Variants in FOXK2 observed in about 807,000 individuals in gnomAD.
FOXK2 encodes the protein forkhead box K2.
In FOXK2, 24 loss-of-function variants were observed where a neutral mutation model predicts 53.3. That is an observed-to-expected ratio of 0.45 (90% confidence interval 0.33 to 0.63). The LOEUF (loss-of-function observed/expected upper bound fraction) is 0.63, where lower values mean the gene tolerates loss of function less well. Among genes scored for constraint, FOXK2 ranks in the 30% least tolerant of loss-of-function variants. FOXK2 has a pLI of 0.03. For missense variants in FOXK2, 952 were observed against 910.5 expected (o/e 1.05, Z -0.59); for synonymous variants, 505 against 407.1 (o/e 1.24, Z -2.89).
chr17:82,526,761 T>C (rs2044422300), intron 1 of FOXK2, among the ~76,000 whole-genome samples: 1 of 150,264 alleles, frequency 6.7e-6, no homozygotes, highest in African/African-American at 2.4e-5. Flanking sequence ...ACCCAGGAGA[T>C]TGGAGCTTGC....
chr17:82,564,140 T>C (rs796923866), intron 2 of FOXK2, among the ~76,000 whole-genome samples: 254 of 144,426 alleles, frequency 1.8e-3, no homozygotes, highest in African/African-American at 6.3e-3. Context: ...CAGGCTGGAG[T>C]GCAGTGGTGT....
At position 82,601,716 on chromosome 17, in the gene FOXK2, C is replaced by T. The variant is rs528464541; in HGVS notation, c.*217C>T. The T allele has an allele frequency of 1.3e-4, 65 of 497,576 alleles. No individual in the cohort carries two copies. Among genetic ancestry groups the T allele is most frequent in the Middle Eastern group, 5.4e-4 (1 of 1,856 alleles). 30.8% of individuals were successfully genotyped at this position (497,576 alleles called of 1,614,324 possible). ...AAACCTGATTTGGGAGACGGTGTCT[C>T]CACTGAGCACCTGCTGGGCTGAGCT... On this transcript the variant is annotated 3_prime_UTR_variant, in exon 9 of 9. Transcript: ENST00000335255.
Position 82,568,167 on chromosome 17 carries a change from A to C in FOXK2, c.728A>C (p.Asn243Thr). The C allele has an allele frequency of 6.2e-7, 1 of 1,613,450 alleles. No homozygotes were observed. The change falls in exon 3 of 9, where the codon AAT becomes ACT. Residue 243 changes from asparagine (N) to threonine (T), a missense_variant. Around this residue, in one of 5 missense-constraint regions of FOXK2, gnomAD observed 160 missense variants for 214.2 expected, o/e 0.75. Coordinates refer to ENST00000335255, the MANE Select transcript of FOXK2 (RefSeq NM_004514.4). ...NLMADNSQPE[N>T]EKEASGGDSP... ...ATGGCTGACAACTCACAGCCTGAAA[A>C]TGAAAAGGAAGCTTCAGGTGGAGAC...
chr17:82,590,478 T>C lies in FOXK2; in HGVS notation c.1786+3206T>C, dbSNP rs553161870. ...CCAGCACGTCTTTTCATGTACTTTATGGTTATTTGTGTATCTTCTTTGAAG... is the reference window on the plus strand; with the variant it reads ...CCAGCACGTCTTTTCATGTACTTTACGGTTATTTGTGTATCTTCTTTGAAG... On this transcript the variant is annotated intron_variant, in intron 8 of 8. Coordinates refer to ENST00000335255, the MANE Select transcript of FOXK2 (RefSeq NM_004514.4). 2.6e-5 allele frequency among the ~76,000 whole-genome samples: 4 copies of C among 152,304 alleles called. No individual in the cohort carries two copies. The South Asian group carries it at 6.2e-4, about 24-fold the overall frequency.
In FOXK2 at chr17:82,520,079, C is replaced by T. The variant is rs762539952; in HGVS notation, c.191C>T (p.Ser64Leu). The stretch of plus-strand genomic sequence containing the variant: ...ATCGGCCGCAACTCGTCGCAGGGCT[C>T]GGTGGACGTGAGCATGGGCCACTCG... ...VTIGRNSSQGSVDVSMGHSSF... is the reference protein window; with the variant it reads ...VTIGRNSSQGLVDVSMGHSSF... The change falls in exon 1 of 9, where the codon TCG becomes TTG. Residue 64 changes from serine to leucine, a missense_variant. Around this residue, in one of 5 missense-constraint regions of FOXK2, gnomAD observed 163 missense variants for 165.5 expected, o/e 0.98. Coordinates refer to ENST00000335255, the MANE Select transcript of FOXK2 (RefSeq NM_004514.4). The T allele has an allele frequency of 1.9e-6, 3 of 1,545,212 alleles. No individual in the cohort carries two copies. The highest frequency in any genetic ancestry group is 1.7e-6 in the Non-Finnish European group (2 of 1,147,894).
At chr17:82,585,215 G>A (rs1403477893) in intron 6 of FOXK2, 1 of 152,240 alleles carries the variant, frequency 6.6e-6, no homozygotes, top group African/African-American at 2.4e-5. Flanking sequence ...GCCCCACTCT[G>A]TTTTTGAACT....
At position 82,601,214 on chromosome 17, in the gene FOXK2, C is replaced by T. The variant is rs377109704; in HGVS notation, c.1787-89C>T. ...TTCACATGAGAGCGTGGGGTTCTGA[C>T]TCGCGAGGGTTCACGTGAGAGCGTG... On this transcript the variant is annotated intron_variant, in intron 8 of 8. Coordinates refer to ENST00000335255, the MANE Select transcript of FOXK2 (RefSeq NM_004514.4). 29 of 1,374,272 alleles carry T rather than the reference C, an allele frequency of 2.1e-5. 1 individual carries two copies. In the East Asian group the frequency reaches 5.1e-4, roughly 24 times the overall value. 85.1% of individuals were successfully genotyped at this position (1,374,272 alleles called of 1,614,324 possible).
chr17:82,595,806 C>T (rs1025870685), intron 8 of FOXK2: 4 of 1,289,574 alleles, frequency 3.1e-6, no homozygotes, highest in African/African-American at 1.5e-5. Context: ...AGAAGGCCCC[C>T]ATGTGCCAGC....
intron 8 of FOXK2, among the ~76,000 whole-genome samples, chr17:82,594,991 G>C (rs1436515477): frequency 3.3e-5 from 5 of 152,194 alleles, no homozygotes. Flanking sequence ...AGTGAACCGT[G>C]ATCGCCCCAC....
In FOXK2 at chr17:82,603,988, C is replaced by G. The variant is rs2045418448; in HGVS notation, c.*2489C>G. ...GAACTTAGCTCTGAATCCCCAAGAA[C>G]TTGAGCACAGCAAGGGTTGCTGAGC... On this transcript the variant is annotated 3_prime_UTR_variant, in exon 9 of 9. Coordinates refer to ENST00000335255, the MANE Select transcript of FOXK2 (RefSeq NM_004514.4). The G allele has an allele frequency of 6.6e-6, 1 of 152,224 alleles. No homozygotes were observed. Among genetic ancestry groups the G allele is most frequent in the African/African-American group, 2.4e-5 (1 of 41,448 alleles). The allele number at this position is 152,224 out of a possible 1,614,324, so 9.4% of individuals were successfully genotyped here.
At chr17:82,561,529 G>A (rs150426492) in intron 1 of FOXK2, among the ~76,000 whole-genome samples, 2 of 152,268 alleles carry the variant, frequency 1.3e-5, no homozygotes, top group Non-Finnish European at 2.9e-5. Flanking sequence ...GGGAACCAGA[G>A]TCTGGTGTCC....
Position 82,603,830 on chromosome 17 carries a change from C to T in FOXK2, c.*2331C>T, listed in dbSNP as rs2045416551. Reference sequence around the variant, plus strand: ...CGCTCCTGTCTCCTCCTCACTCTGCCACGTTCACTTGGCTTTTTCATTGGT... The same window carrying T: ...CGCTCCTGTCTCCTCCTCACTCTGCTACGTTCACTTGGCTTTTTCATTGGT... On this transcript the variant is annotated 3_prime_UTR_variant, in exon 9 of 9. Coordinates refer to ENST00000335255, the MANE Select transcript of FOXK2 (RefSeq NM_004514.4). 1.3e-5 allele frequency: 2 copies of T among 152,024 alleles called. No homozygotes were observed. The highest frequency in any genetic ancestry group is 4.8e-5 in the African/African-American group (2 of 41,388). 9.4% of individuals were successfully genotyped at this position (152,024 alleles called of 1,614,324 possible). A position where few individuals can be genotyped will look rare whatever the true frequency, so the allele number is the denominator to read the frequency against.
chr17:82,537,634 A>AG, intron 1 of FOXK2, among the ~76,000 whole-genome samples: 1 of 150,538 alleles, frequency 6.6e-6, no homozygotes, highest in African/African-American at 2.4e-5. Context: ...AAAAAAAAAA[A>AG]AAAAAAAAGG....
chr17:82,588,876 C>G (rs1038683804), intron 8 of FOXK2, among the ~76,000 whole-genome samples: 2 of 135,054 alleles, frequency 1.5e-5, no homozygotes, highest in Non-Finnish European at 1.6e-5. Context: ...TGGTGAAACA[C>G]CATTTCTACT....
chr17:82,545,556 C>CT (rs895056549), intron 1 of FOXK2, among the ~76,000 whole-genome samples: 8 of 146,750 alleles, frequency 5.5e-5, no homozygotes, highest in East Asian at 2.0e-4. Context: ...TTCTTATAGT[C>CT]TTTTTTTTGT....
intron 1 of FOXK2, among the ~76,000 whole-genome samples, chr17:82,555,885 C>CAAAAAAAAAAAAAAAAAAA (rs71168116): frequency 1.3e-5 from 1 of 74,216 alleles, no homozygotes; most frequent in Admixed American, 1.8e-4. Flanking sequence ...GACTCTATCA[C>CAAAAAAAAAAAAAAAAAAA]AAAAAAAAAA....
intron 1 of FOXK2, among the ~76,000 whole-genome samples, chr17:82,555,885 C>CAAAAAAAAAAAAAAAAA (rs71168116): frequency 1.3e-5 from 1 of 74,216 alleles, no homozygotes. Flanking sequence ...GACTCTATCA[C>CAAAAAAAAAAAAAAAAA]AAAAAAAAAA....
intron 1 of FOXK2, among the ~76,000 whole-genome samples, chr17:82,525,478 C>T (rs932162201): frequency 2.6e-5 from 4 of 152,188 alleles, no homozygotes; most frequent in African/African-American, 7.2e-5. Context: ...TGCGCCCGGT[C>T]GAGGACAAGG....
At chr17:82,544,835 G>A (rs2044608205) in intron 1 of FOXK2, among the ~76,000 whole-genome samples, 2 of 152,098 alleles carry the variant, frequency 1.3e-5, no homozygotes, top group South Asian at 4.2e-4. Flanking sequence ...CTTCCGTCCA[G>A]CTCTGTGTCT....
Sources: gnomAD v4.1 joint callset for allele counts (sites outside exome capture counted in the v4.1 genomes callset) on GRCh38, gnomAD v4.1.1 for gene constraint, gnomAD v4.1.1 regional missense constraint, MANE v1.5 for transcripts, NCBI Gene and HGNC (gene_info 2026-07-23, HGNC 2026-07-21) for gene names.